MAD1L1: variants seen among roughly 807,000 people sequenced by gnomAD.
The protein encoded by MAD1L1 is mitotic spindle assembly checkpoint protein MAD1.
Under a neutral mutation model 96.9 loss-of-function variants are expected in MAD1L1, and 95 were observed. The ratio of observed to expected loss-of-function variants is 0.98; its 90% CI spans 0.83 to 1.16. MAD1L1 has a LOEUF of 1.16. Ranked by LOEUF, MAD1L1 falls within the 50% of genes most tolerant of loss-of-function variation. The pLI, the probability that MAD1L1 is intolerant of heterozygous loss-of-function variation, is 0.00. For missense variants in MAD1L1, 1,007 were observed against 954.4 expected (o/e 1.06, Z -0.73); for synonymous variants, 473 against 396.6 (o/e 1.19, Z -2.29).
intron 11 of MAD1L1, among the ~76,000 whole-genome samples, chr7:2,129,760 G>A (rs1280516044): frequency 1.3e-5 from 2 of 152,178 alleles, no homozygotes; most frequent in Non-Finnish European, 2.9e-5. Context: ...ACAGTCCAAG[G>A]AGTGCTCTCT....
chr7:2,112,395 G>A (rs765454076), intron 11 of MAD1L1, among the ~76,000 whole-genome samples: 3 of 152,188 alleles, frequency 2.0e-5, no homozygotes, highest in Non-Finnish European at 4.4e-5. Context: ...CACAACACCA[G>A]GCAGTGGGAA....
rs147784110 is a variant in MAD1L1, at chr7:2,071,607, G to C, written c.1074-2269C>G. Among the ~76,000 whole-genome samples the C allele has an allele frequency of 9.3e-3, 1,417 of 152,308 alleles. 21 individuals are homozygous for C. Among genetic ancestry groups the C allele is most frequent in the African/African-American group, 0.032 (1,328 of 41,554 alleles). On this transcript the variant is annotated intron_variant, in intron 11 of 18. Transcript: ENST00000265854. Reference sequence around the variant, plus strand: ...AGATCGAGGCCGGACTAGAGGCTCGGGACTTCAGCCCCACCCCTAAGCTGG... The same window carrying C: ...AGATCGAGGCCGGACTAGAGGCTCGCGACTTCAGCCCCACCCCTAAGCTGG...
At chr7:1,919,445 G>A (rs1788633879) in intron 17 of MAD1L1, among the ~76,000 whole-genome samples, 1 of 152,242 alleles carries the variant, frequency 6.6e-6, no homozygotes. Flanking sequence ...GTAAAGCCAA[G>A]CCTGCCGTCC....
chr7:1,838,401 T>G (rs539105383), intron 18 of MAD1L1, among the ~76,000 whole-genome samples: 1 of 152,330 alleles, frequency 6.6e-6, no homozygotes, highest in South Asian at 2.1e-4. Context: ...CAGCACTGTG[T>G]GTAATAGCCC....
intron 10 of MAD1L1, among the ~76,000 whole-genome samples, chr7:2,167,054 G>A (rs1373297875): frequency 6.6e-6 from 1 of 152,332 alleles, no homozygotes; most frequent in African/African-American, 2.4e-5. Context: ...AGGTGAGCTC[G>A]AAACCCTAAA....
At chr7:2,036,244 C>T (rs1300077584) in intron 12 of MAD1L1, among the ~76,000 whole-genome samples, 3 of 40,206 alleles carry the variant, frequency 7.5e-5, no homozygotes, top group South Asian at 1.2e-3. Context: ...CAGGCATGAG[C>T]GCGGGAGCAC....
intron 17 of MAD1L1, among the ~76,000 whole-genome samples, chr7:1,924,266 G>A (rs1171000002): frequency 3.3e-5 from 5 of 152,176 alleles, no homozygotes; most frequent in East Asian, 3.8e-4. Context: ...AGTCCTTCTC[G>A]CGGCAGGGTG....
chr7:2,098,582 C>T (rs182847268), intron 11 of MAD1L1, among the ~76,000 whole-genome samples: 52 of 152,304 alleles, frequency 3.4e-4, no homozygotes, highest in Non-Finnish European at 6.3e-4. Context: ...ACGCTAAGGA[C>T]GGCCCCCTCA....
intron 15 of MAD1L1, among the ~76,000 whole-genome samples, chr7:1,959,100 A>T (rs1461316103): frequency 2.6e-5 from 4 of 152,122 alleles, no homozygotes. Context: ...AAAAATAAAA[A>T]AATTAGCCGG....
chr7:1,857,054 C>G (rs11763813), intron 18 of MAD1L1, among the ~76,000 whole-genome samples: 8 of 152,110 alleles, frequency 5.3e-5, no homozygotes, highest in Non-Finnish European at 8.8e-5. Flanking sequence ...CGAGGAGCTG[C>G]GGGGAGCAGA....
chr7:1,821,076 A>G (rs1466009162), intron 18 of MAD1L1, among the ~76,000 whole-genome samples: 2 of 97,718 alleles, frequency 2.0e-5, no homozygotes, highest in Non-Finnish European at 2.1e-5. Flanking sequence ...GCGAGACTCC[A>G]TCTCAAAAAA....
At position 2,088,203 on chromosome 7, in the gene MAD1L1, GATCACAC is replaced by G. The variant is rs1274677602; in HGVS notation, c.1074-18872_1074-18866del. On this transcript the variant is annotated intron_variant, in intron 11 of 18. Transcript: ENST00000265854. The surrounding 1 kb of genome is among the most constrained non-coding windows in gnomAD (Gnocchi z 4.4). ...GAGGTCGGGCAGCAAAGCGACCTTG[GATCACAC>G]ATCGCGCCTCTTCACGCCTCCTCAC... Among the ~76,000 whole-genome samples, 4 of 152,192 alleles carry G rather than the reference GATCACAC, an allele frequency of 2.6e-5. No individual in the cohort carries two copies. Among genetic ancestry groups the G allele is most frequent in the Non-Finnish European group, 5.9e-5 (4 of 68,034 alleles).
intron 18 of MAD1L1, among the ~76,000 whole-genome samples, chr7:1,820,876 T>C (rs1331578250): frequency 2.0e-5 from 3 of 151,770 alleles, no homozygotes; most frequent in Admixed American, 6.6e-5. Flanking sequence ...GGTCAGGAGA[T>C]CAAGACCATC....
At chr7:1,993,196 T>C (rs1426510768) in intron 14 of MAD1L1, among the ~76,000 whole-genome samples, 1 of 152,212 alleles carries the variant, frequency 6.6e-6, no homozygotes, top group Admixed American at 6.5e-5. Flanking sequence ...ATGGGTCATA[T>C]GGCAAGTGTG....
chr7:1,907,020 C>G (rs780776038), intron 17 of MAD1L1, among the ~76,000 whole-genome samples: 1 of 152,198 alleles, frequency 6.6e-6, no homozygotes, highest in African/African-American at 2.4e-5. Flanking sequence ...TGCCACTGCC[C>G]CGCCCCCAAG....
chr7:2,054,615 G>A (rs1231146993), intron 12 of MAD1L1, among the ~76,000 whole-genome samples: 2 of 152,184 alleles, frequency 1.3e-5, no homozygotes, highest in East Asian at 3.9e-4. Context: ...AAGGTAATGG[G>A]AAAGGGCGAT....
At position 1,863,141 on chromosome 7, in the gene MAD1L1, C is replaced by T. The variant is rs952962512; in HGVS notation, c.1998+35059G>A. Among the ~76,000 whole-genome samples, 7 of 152,252 alleles carry T rather than the reference C, an allele frequency of 4.6e-5. No individual in the cohort carries two copies. The South Asian group carries it at 1.0e-3, about 22-fold the overall frequency. On this transcript the variant is annotated intron_variant, in intron 18 of 18. Transcript: ENST00000265854. ...GCCCCAAGCCCCGCAAGCCAGGTGGCGTCCAGATCTGAGCGCACGAGGAGG... is the reference window on the plus strand; with the variant it reads ...GCCCCAAGCCCCGCAAGCCAGGTGGTGTCCAGATCTGAGCGCACGAGGAGG...
chr7:2,205,693 C>T (rs1445940546), intron 10 of MAD1L1, among the ~76,000 whole-genome samples: 1 of 152,212 alleles, frequency 6.6e-6, no homozygotes, highest in Admixed American at 6.5e-5. Flanking sequence ...GCCACACCTG[C>T]CGTTCTCAGT....
chr7:1,916,796 C>T (rs1788430356), intron 17 of MAD1L1, among the ~76,000 whole-genome samples: 1 of 152,224 alleles, frequency 6.6e-6, no homozygotes, highest in African/African-American at 2.4e-5. Context: ...AGGCTGGGCT[C>T]CCAGGAACTC....
Sources: allele counts gnomAD v4.1 joint callset (sites outside exome capture counted in the v4.1 genomes callset), GRCh38; gene constraint gnomAD v4.1.1; non-coding constraint Gnocchi (gnomAD v3.1); transcripts MANE v1.5; gene names NCBI Gene and HGNC (gene_info 2026-07-23, HGNC 2026-07-21).